The following COMMD1 variants were observed in gnomAD, a reference collection of about 807,000 sequenced individuals.
COMMD1 encodes COMM domain-containing protein 1.
COMMD1 carries 10 observed loss-of-function variants against 17.2 expected under a neutral mutation model. The ratio of observed to expected loss-of-function variants is 0.58; its 90% CI spans 0.36 to 0.99. COMMD1 has a LOEUF of 0.99. Ranked by LOEUF, COMMD1 falls within the 50% of genes least tolerant of loss-of-function variation. The pLI, the probability that COMMD1 is intolerant of heterozygous loss-of-function variation, is 0.01. For synonymous variants in COMMD1, 97 were observed against 91.6 expected (o/e 1.06, Z -0.34); for missense variants, 270 against 231.8 (o/e 1.17, Z -1.07).
chr2:61,947,356 C>A lies in COMMD1; in HGVS notation c.180+41498C>A, dbSNP rs150279975. ...GACTTTTTTTTTATTTTTTAAACAG[C>A]CTTTGAGCAAATAATTTTTTCTTTT... On this transcript the variant is annotated intron_variant, in intron 1 of 2. Coordinates refer to ENST00000311832, the MANE Select transcript of COMMD1 (RefSeq NM_152516.4). 5.1e-3 allele frequency among the ~76,000 whole-genome samples: 769 copies of A among 151,980 alleles called. 9 individuals carry two copies. The highest frequency in any genetic ancestry group is 0.017 in the African/African-American group (688 of 41,466).
chr2:62,121,738 CAA>C (rs549415329), intron 2 of COMMD1, among the ~76,000 whole-genome samples: 27 of 80,020 alleles, frequency 3.4e-4, no homozygotes, highest in Non-Finnish European at 3.3e-4. Context: ...GACTCCGTCT[CAA>C]AAAAAAAAAA....
intron 2 of COMMD1, among the ~76,000 whole-genome samples, chr2:62,059,882 A>G (rs1194432817): frequency 6.6e-6 from 1 of 151,642 alleles, no homozygotes; most frequent in Non-Finnish European, 1.5e-5. Context: ...TAGATCTACT[A>G]TTTTGCTTTC....
intron 2 of COMMD1, among the ~76,000 whole-genome samples, chr2:62,116,870 C>T (rs898596570): frequency 6.6e-6 from 1 of 151,312 alleles, no homozygotes; most frequent in African/African-American, 2.4e-5. Flanking sequence ...TGGCACATGC[C>T]TGTAATCCCA....
chr2:61,890,847 A>C (rs1313969903), intron 1 of COMMD1, among the ~76,000 whole-genome samples: 3 of 141,224 alleles, frequency 2.1e-5, no homozygotes, highest in Non-Finnish European at 4.6e-5. Context: ...AAAAAAAAAA[A>C]AGAAGGATAT....
chr2:61,974,497 A>AC (rs1671738501), intron 1 of COMMD1, among the ~76,000 whole-genome samples: 1 of 151,314 alleles, frequency 6.6e-6, no homozygotes, highest in South Asian at 2.1e-4. Flanking sequence ...AGATGGTGAA[A>AC]CCCCATCTCT....
rs1417449974 is a variant in COMMD1 at position 61,953,366 on chromosome 2, C to A, written c.181-47335C>A. 2.1e-5 allele frequency among the ~76,000 whole-genome samples: 3 copies of A among 141,056 alleles called. No individual in the cohort carries two copies. The South Asian group carries it at 6.8e-4, about 32-fold the overall frequency. 92.5% of individuals were successfully genotyped at this position (141,056 alleles called of 152,430 possible). A position where few individuals can be genotyped will look rare whatever the true frequency, so the allele number is the denominator to read the frequency against. On this transcript the variant is annotated intron_variant, in intron 1 of 2. Coordinates refer to ENST00000311832, the MANE Select transcript of COMMD1 (RefSeq NM_152516.4). ...ATTATTTATGTAAGTATTTCTTTTT[C>A]TTTTCTTTTTTTTTTTTTTTGAGAC...
upstream of COMMD1, chr2:61,905,579 C>T (rs1162587217): frequency 2.4e-6 from 3 of 1,263,554 alleles, no homozygotes; most frequent in Non-Finnish European, 2.1e-6. Flanking sequence ...CCAGGTTCCC[C>T]GAGGTTCCCC....
chr2:61,906,598 A>G (rs1669777352), intron 1 of COMMD1, among the ~76,000 whole-genome samples: 1 of 150,370 alleles, frequency 6.7e-6, no homozygotes, highest in Non-Finnish European at 1.5e-5. Flanking sequence ...ATCATATTGG[A>G]CAACTCTATT....
intron 1 of COMMD1, among the ~76,000 whole-genome samples, chr2:61,936,952 A>G (rs1038231645): frequency 2.6e-5 from 4 of 152,192 alleles, no homozygotes; most frequent in Admixed American, 1.3e-4. Flanking sequence ...ATATCAGTCA[A>G]TACGTGTGAG....
chr2:62,021,906 C>A (rs999528348), intron 2 of COMMD1, among the ~76,000 whole-genome samples: 1 of 152,108 alleles, frequency 6.6e-6, no homozygotes, highest in Non-Finnish European at 1.5e-5. Context: ...CTAACAGATA[C>A]TTGATTTGTG....
intron 2 of COMMD1, among the ~76,000 whole-genome samples, chr2:62,104,034 T>A (rs1394521007): frequency 2.0e-5 from 3 of 151,902 alleles, no homozygotes; most frequent in African/African-American, 4.8e-5. Context: ...ATAGTCAGGG[T>A]CTCACTTTGT....
At chr2:62,063,584 G>C (rs935181668) in intron 2 of COMMD1, among the ~76,000 whole-genome samples, 2 of 152,068 alleles carry the variant, frequency 1.3e-5, no homozygotes, top group Admixed American at 6.5e-5. Flanking sequence ...GTATTTCTTA[G>C]AGTAGCGTTG....
intron 1 of COMMD1, among the ~76,000 whole-genome samples, chr2:61,921,067 T>C (rs1291827504): frequency 2.7e-5 from 4 of 148,992 alleles, no homozygotes; most frequent in Non-Finnish European, 4.5e-5. Flanking sequence ...AACCTTCACC[T>C]CCCGGGTTCA....
intron 1 of COMMD1, among the ~76,000 whole-genome samples, chr2:61,963,450 C>T (rs893465074): frequency 7.9e-5 from 12 of 152,132 alleles, no homozygotes; most frequent in East Asian, 3.9e-4. Flanking sequence ...TGGGCCACCC[C>T]GGTTCAAACA....
At chr2:62,051,485 A>C (rs1365662267) in intron 2 of COMMD1, among the ~76,000 whole-genome samples, 1 of 152,202 alleles carries the variant, frequency 6.6e-6, no homozygotes, top group African/African-American at 2.4e-5. Context: ...AAGGTCAGTG[A>C]CTGATGACAA....
At chr2:61,890,007 T>C (rs905136209) in intron 1 of COMMD1, among the ~76,000 whole-genome samples, 4 of 152,132 alleles carry the variant, frequency 2.6e-5, no homozygotes, top group Non-Finnish European at 5.9e-5. Context: ...AGTATTCCAA[T>C]ACAAAGCAAG....
chr2:62,003,605 T>TACACACAC (rs57628894), intron 2 of COMMD1, among the ~76,000 whole-genome samples: 2,463 of 146,212 alleles, frequency 0.017, 31 homozygotes, highest in Admixed American at 0.028. Flanking sequence ...CAGATATTTT[T>TACACACAC]ACACACACAC....
At chr2:61,928,517 C>T (rs1447858377) in intron 1 of COMMD1, 1 of 152,120 alleles carries the variant, frequency 6.6e-6, no homozygotes. Flanking sequence ...GTACATTTTT[C>T]AGTTTCGGAA....
intron 2 of COMMD1, among the ~76,000 whole-genome samples, chr2:62,027,621 TTTATGTTATGTTATGTTATG>T (rs56724339): frequency 2.7e-5 from 4 of 146,672 alleles, no homozygotes; most frequent in South Asian, 2.1e-4. Flanking sequence ...TATGCCTTAA[TTTATGTTATGTTATGTTATG>T]TTATGTTATG....
Sources: gnomAD v4.1 joint callset for allele counts (sites outside exome capture counted in the v4.1 genomes callset) on GRCh38, gnomAD v4.1.1 for gene constraint, MANE v1.5 for transcripts, NCBI Gene and HGNC (gene_info 2026-07-23, HGNC 2026-07-21) for gene names.